C2orf92: variants seen among roughly 807,000 people sequenced by gnomAD.
C2orf92 encodes the protein uncharacterized protein C2orf92.
upstream of C2orf92, chr2:97,665,733 CTCTCTATATATATATATATATA>C (rs1256796725): frequency 7.1e-4 from 14 of 19,792 alleles, no homozygotes; most frequent in African/African-American, 2.2e-3. Flanking sequence ...CTCTCTCTCT[CTCTCTATATATATATATATATA>C]TATATATATA....
At chr2:97,684,568 C>T (rs578231889) in intron 3 of C2orf92, among the ~76,000 whole-genome samples, 2 of 152,230 alleles carry the variant, frequency 1.3e-5, no homozygotes, top group Non-Finnish European at 2.9e-5. Flanking sequence ...GAATTAGGCA[C>T]GTGATGTTTT....
At chr2:97,671,838 C>T (rs1458056332) in intron 1 of C2orf92, 1 of 234,388 alleles carries the variant, frequency 4.3e-6, no homozygotes, top group African/African-American at 2.2e-5. Flanking sequence ...GGGTTCTCAG[C>T]CCTAACTGAG....
chr2:97,664,139 A>G (rs900793696), upstream of C2orf92: 9 of 247,634 alleles, frequency 3.6e-5, no homozygotes, highest in Non-Finnish European at 6.2e-5. Flanking sequence ...GGGCCTCCGG[A>G]GGCTGGCCAG....
chr2:97,674,583 T>C, intron 2 of C2orf92, 26 bp downstream of exon 2: 4 of 397,496 alleles, frequency 1.0e-5, no homozygotes, highest in Admixed American at 4.4e-5. Context: ...TAACCTGACA[T>C]GTGTACATAC....
At chr2:97,680,452 C>T (rs1675730352) in intron 3 of C2orf92, among the ~76,000 whole-genome samples, 1 of 152,154 alleles carries the variant, frequency 6.6e-6, no homozygotes, top group South Asian at 2.1e-4. Flanking sequence ...AAGAGATTCA[C>T]TTAGGGAATA....
At chr2:97,674,248 G>A (rs1034232419) in intron 1 of C2orf92, 4 of 372,188 alleles carry the variant, frequency 1.1e-5, no homozygotes, top group African/African-American at 8.3e-5. Flanking sequence ...TTAGTGGGCG[G>A]TGTTTGCTGC....
In C2orf92 at chr2:97,674,562, G is replaced by A. The variant is rs1675514972; in HGVS notation, c.148+5G>A. 1 of 398,490 alleles carries A rather than the reference G, an allele frequency of 2.5e-6. No homozygotes were observed. 24.7% of individuals were successfully genotyped at this position (398,490 alleles called of 1,614,324 possible). A position where few individuals can be genotyped will look rare whatever the true frequency, so the allele number is the denominator to read the frequency against. On this transcript the variant is annotated splice_donor_5th_base_variant and intron_variant, in intron 2 of 7. Coordinates refer to ENST00000627399, the MANE Select transcript of C2orf92 (RefSeq NM_001351368.2). Reference sequence around the variant, plus strand: ...CAAAGAGAGACACACAAAAAAGCAAGTATATGTCGTTAACCTGACATGTGT... The same window carrying A: ...CAAAGAGAGACACACAAAAAAGCAAATATATGTCGTTAACCTGACATGTGT...
chr2:97,691,623 T>C (rs1676140153), intron 5 of C2orf92, among the ~76,000 whole-genome samples: 1 of 152,216 alleles, frequency 6.6e-6, no homozygotes, highest in African/African-American at 2.4e-5. Context: ...ATGTGGTCTT[T>C]CCTGGGTGCA....
intron 6 of C2orf92, among the ~76,000 whole-genome samples, chr2:97,699,891 C>A (rs1218344134): frequency 6.6e-6 from 1 of 152,222 alleles, no homozygotes; most frequent in African/African-American, 2.4e-5. Context: ...GGATACGCTG[C>A]CTCTTGGCAT....
Position 97,683,075 on chromosome 2 carries a change from T to TA in C2orf92, c.233-5820_233-5819insA, listed in dbSNP as rs1289507090. On this transcript the variant is annotated intron_variant, in intron 3 of 7. Coordinates refer to ENST00000627399, the MANE Select transcript of C2orf92 (RefSeq NM_001351368.2). ...CTTATATGTTGAAAACCATATAGACTCCACACACACACACACACACACACA... is the reference window on the plus strand; with the variant it reads ...CTTATATGTTGAAAACCATATAGACTACCACACACACACACACACACACACA... Among the ~76,000 whole-genome samples the TA allele has an allele frequency of 6.9e-3, 438 of 63,594 alleles. 2 individuals carry two copies. The highest frequency in any genetic ancestry group is 0.029 in the African/African-American group (414 of 14,084). The allele number at this position is 63,594 out of a possible 152,430, so 41.7% of individuals were successfully genotyped here. A position where few individuals can be genotyped will look rare whatever the true frequency, so the allele number is the denominator to read the frequency against.
Position 97,702,905 on chromosome 2 carries a change from A to G in C2orf92, c.*104A>G, listed in dbSNP as rs1676545426. 1.0e-5 allele frequency: 4 copies of G among 397,438 alleles called. No individual in the cohort carries two copies. Among genetic ancestry groups the G allele is most frequent in the Non-Finnish European group, 1.8e-5 (4 of 225,640 alleles). The allele number at this position is 397,438 out of a possible 1,614,324, so 24.6% of individuals were successfully genotyped here. Reference sequence around the variant, plus strand: ...AATTCCATTTCTGCCCGGGAGGTGTATTCTACAAAAACGTCTGCTTCCCAT... The same window carrying G: ...AATTCCATTTCTGCCCGGGAGGTGTGTTCTACAAAAACGTCTGCTTCCCAT... On this transcript the variant is annotated 3_prime_UTR_variant, in exon 8 of 8. Transcript: ENST00000627399.
intron 4 of C2orf92, among the ~76,000 whole-genome samples, 184 bp from the exon 5 acceptor site, chr2:97,690,072 C>A (rs145173507): frequency 0.065 from 9,803 of 151,502 alleles, 658 homozygotes; most frequent in African/African-American, 0.17. Context: ...CGGAGGTTGC[C>A]GTGAGCCGAG....
upstream of C2orf92, chr2:97,663,985 G>A: frequency 2.6e-6 from 2 of 770,852 alleles, no homozygotes; most frequent in South Asian, 5.4e-5. Context: ...GGCTCCCGAC[G>A]CGGCGCCGCT....
At chr2:97,679,491 G>A (rs778844594) in intron 3 of C2orf92, among the ~76,000 whole-genome samples, 1 of 152,118 alleles carries the variant, frequency 6.6e-6, no homozygotes, top group Non-Finnish European at 1.5e-5. Context: ...ACTAGTTTAG[G>A]TGTTTCCAAG....
At chr2:97,676,540 C>T (rs1675591356) in intron 3 of C2orf92, among the ~76,000 whole-genome samples, 1 of 150,282 alleles carries the variant, frequency 6.7e-6, no homozygotes, top group African/African-American at 2.5e-5. Flanking sequence ...GGGAGGATTG[C>T]TGGAGGACAG....
upstream of C2orf92, chr2:97,664,140 G>T: frequency 4.0e-6 from 1 of 248,406 alleles, no homozygotes; most frequent in Non-Finnish European, 7.7e-6. Flanking sequence ...GGCCTCCGGA[G>T]GCTGGCCAGC....
intron 3 of C2orf92, among the ~76,000 whole-genome samples, chr2:97,678,278 GA>G (rs1187969774): frequency 5.3e-4 from 73 of 137,200 alleles, no homozygotes; most frequent in African/African-American, 1.0e-3. Context: ...GAAGCAGAAA[GA>G]AAAAAAAAAA....
At chr2:97,692,571 A>G (rs1676174084) in intron 5 of C2orf92, among the ~76,000 whole-genome samples, 1 of 151,868 alleles carries the variant, frequency 6.6e-6, no homozygotes, top group Non-Finnish European at 1.5e-5. Context: ...CACCATGCCC[A>G]GTTAATTTTT....
chr2:97,692,316 G>A (rs540653457), intron 5 of C2orf92, among the ~76,000 whole-genome samples: 1 of 151,766 alleles, frequency 6.6e-6, no homozygotes, highest in Non-Finnish European at 1.5e-5. Flanking sequence ...CTTAATGTTT[G>A]GGTATAGGAA....
Sources: gnomAD v4.1 joint callset for allele counts (sites outside exome capture counted in the v4.1 genomes callset) on GRCh38, gnomAD v4.1.1 for gene constraint, MANE v1.5 for transcripts, NCBI Gene and HGNC (gene_info 2026-07-23, HGNC 2026-07-21) for gene names.